The following ATP2C2 variants were observed in gnomAD, a reference collection of about 807,000 sequenced individuals.
The protein encoded by ATP2C2 is ATPase secretory pathway Ca2+ transporting 2.
ATP2C2 carries 171 observed loss-of-function variants against 110.8 expected under a neutral mutation model. That is an observed-to-expected ratio of 1.54 (90% CI 1.36 to 1.75). The LOEUF is 1.75. Among genes scored for constraint, ATP2C2 ranks in the 40% most tolerant of loss-of-function variants. ATP2C2 has a pLI of 0.00. For synonymous variants in ATP2C2, 804 were observed against 508.4 expected (o/e 1.58, Z -7.82); for missense variants, 1,963 against 1,235.0 (o/e 1.59, Z -8.84).
intron 1 of ATP2C2, among the ~76,000 whole-genome samples, chr16:84,384,466 C>G (rs151121560): frequency 6.6e-6 from 1 of 152,156 alleles, no homozygotes; most frequent in South Asian, 2.1e-4. Flanking sequence ...TATTGGGAGG[C>G]CCACCCAGCT....
intron 1 of ATP2C2, among the ~76,000 whole-genome samples, chr16:84,372,137 G>A (rs1185703179): frequency 2.0e-5 from 3 of 152,196 alleles, no homozygotes; most frequent in African/African-American, 7.2e-5. Context: ...CCTTGTCAGA[G>A]TGTGGGCTTT....
At chr16:84,402,864 C>T (rs191307997) in intron 2 of ATP2C2, among the ~76,000 whole-genome samples, 33 of 152,206 alleles carry the variant, frequency 2.2e-4, no homozygotes, top group Admixed American at 5.9e-4. Context: ...GGATTGGTAT[C>T]GCTTCTTCGA....
At chr16:84,399,359 C>T (rs974509457) in intron 2 of ATP2C2, among the ~76,000 whole-genome samples, 1 of 152,110 alleles carries the variant, frequency 6.6e-6, no homozygotes, top group African/African-American at 2.4e-5. Flanking sequence ...GCATATTATC[C>T]CTAGCTAGAA....
At chr16:84,410,826 T>G in intron 6 of ATP2C2, 61 bp downstream of exon 6, 1 of 1,515,590 alleles carries the variant, frequency 6.6e-7, no homozygotes, top group Non-Finnish European at 9.2e-7. Context: ...GCTGGAGAGT[T>G]TGGCAAATGT....
In ATP2C2 at chr16:84,462,129, G is replaced by A. The variant is rs756786916; in HGVS notation, c.2722G>A (p.Asp908Asn). Residue 908 changes from aspartate to asparagine, a missense_variant and splice_region_variant, in exon 26 of 27, where the codon GAT becomes AAT. By Grantham distance (23) the Asp-to-Asn change is conservative. Coordinates refer to ENST00000262429, the MANE Select transcript of ATP2C2 (RefSeq NM_014861.4). ...CCAGACGGAGAACCTGGGAGCGCTTGGTGAGTGGTGGGGACGGGAACGACA... is the reference window on the plus strand; with the variant it reads ...CCAGACGGAGAACCTGGGAGCGCTTAGTGAGTGGTGGGGACGGGAACGACA... ...VFQTENLGAL[D>N]LLFLTGLASS... 1.3e-5 allele frequency: 21 copies of A among 1,612,470 alleles called. No homozygotes were observed. Among genetic ancestry groups the A allele is most frequent in the Non-Finnish European group, 1.7e-5 (20 of 1,179,080 alleles).
At chr16:84,460,106 C>T (rs1466827026) in intron 23 of ATP2C2, 1 of 201,420 alleles carries the variant, frequency 5.0e-6, no homozygotes, top group Non-Finnish European at 1.0e-5. Context: ...TTTGTGTCCC[C>T]AAAGCCAAGT....
chr16:84,417,548 G>C (rs1906949864), intron 7 of ATP2C2, among the ~76,000 whole-genome samples: 1 of 152,168 alleles, frequency 6.6e-6, no homozygotes, highest in African/African-American at 2.4e-5. Flanking sequence ...TTAGACCCCA[G>C]GTAACTTCCT....
chr16:84,458,541 T>C (rs1268468578), intron 21 of ATP2C2, among the ~76,000 whole-genome samples: 1 of 151,474 alleles, frequency 6.6e-6, no homozygotes, highest in Middle Eastern at 3.2e-3. Flanking sequence ...ATATCAGCTC[T>C]ATAGTTCTTT....
At chr16:84,437,100 C>A (rs1332911336) in intron 11 of ATP2C2, among the ~76,000 whole-genome samples, 1 of 152,110 alleles carries the variant, frequency 6.6e-6, no homozygotes, top group Non-Finnish European at 1.5e-5. Context: ...ATATAATTCA[C>A]ATATATAATT....
At chr16:84,410,903 C>G (rs1010696288) in intron 6 of ATP2C2, 138 bp downstream of exon 6, 2 of 815,990 alleles carry the variant, frequency 2.5e-6, no homozygotes, top group East Asian at 2.7e-5. Context: ...GTTCTAAGGC[C>G]TGGTCTCCGC....
At chr16:84,435,277 G>C (rs1908636331) in intron 11 of ATP2C2, among the ~76,000 whole-genome samples, 1 of 152,202 alleles carries the variant, frequency 6.6e-6, no homozygotes, top group Non-Finnish European at 1.5e-5. Context: ...TTAATTGGCA[G>C]TGTTTATTCT....
intron 2 of ATP2C2, among the ~76,000 whole-genome samples, chr16:84,402,803 T>G (rs541526908): frequency 6.6e-6 from 1 of 152,328 alleles, no homozygotes; most frequent in East Asian, 1.9e-4. Flanking sequence ...AATACTGGCC[T>G]CGTAGAATGA....
chr16:84,394,038 G>T (rs1292571004), intron 1 of ATP2C2, among the ~76,000 whole-genome samples: 1 of 151,222 alleles, frequency 6.6e-6, no homozygotes, highest in East Asian at 1.9e-4. Flanking sequence ...AAAAGGCCTG[G>T]TGTGATGACA....
chr16:84,420,499 AT>A (rs1907236658), intron 7 of ATP2C2, among the ~76,000 whole-genome samples: 2 of 126,130 alleles, frequency 1.6e-5, no homozygotes, highest in Non-Finnish European at 3.3e-5. Flanking sequence ...AAAGGACTTC[AT>A]TGTTTAGAAA....
At chr16:84,410,788 C>T in intron 6 of ATP2C2, 23 bp downstream of exon 6, 1 of 1,609,780 alleles carries the variant, frequency 6.2e-7, no homozygotes, top group African/African-American at 1.3e-5. Context: ...CTCCCTGGGA[C>T]TTTTTGGTTC....
chr16:84,440,157 G>T (rs1039972028), intron 13 of ATP2C2, among the ~76,000 whole-genome samples: 13 of 152,142 alleles, frequency 8.5e-5, no homozygotes, highest in African/African-American at 3.1e-4. Flanking sequence ...TTTTAAGCCA[G>T]GGTCTTGCTG....
chr16:84,411,536 G>T lies in ATP2C2; in HGVS notation c.515+771G>T, dbSNP rs369965409. ...AGTTCGCTGCAACCTCCGCCTCCTG[G>T]GTTCAAGCAGTTCTCCTGCCTCAGC... On this transcript the variant is annotated intron_variant, in intron 6 of 26. Transcript: ENST00000262429. Among the ~76,000 whole-genome samples, 29 of 152,244 alleles carry T rather than the reference G, an allele frequency of 1.9e-4. No individual in the cohort carries two copies. In the East Asian group the frequency reaches 5.2e-3, roughly 27 times the overall value.
chr16:84,405,339 T>G, intron 3 of ATP2C2, 95 bp downstream of exon 3: 1 of 1,091,984 alleles, frequency 9.2e-7, no homozygotes, highest in South Asian at 1.5e-5. Flanking sequence ...AAGGCATCCT[T>G]GGACAGCTCC....
At chr16:84,377,286 G>C (rs565249082) in intron 1 of ATP2C2, among the ~76,000 whole-genome samples, 1 of 152,320 alleles carries the variant, frequency 6.6e-6, no homozygotes, top group Admixed American at 6.5e-5. Flanking sequence ...GGGAGCTGGT[G>C]GGAGCTTTCA....
Sources: allele counts gnomAD v4.1 joint callset (sites outside exome capture counted in the v4.1 genomes callset), GRCh38; gene constraint gnomAD v4.1.1; transcripts MANE v1.5; gene names NCBI Gene and HGNC (gene_info 2026-07-23, HGNC 2026-07-21).